The following RNF213 variants were observed in gnomAD, a reference collection of about 807,000 sequenced individuals.
The protein encoded by RNF213 is E3 ubiquitin-protein ligase RNF213.
In RNF213, 341 loss-of-function variants were observed where a neutral mutation model predicts 514.4. The observed-to-expected ratio is 0.66, with a 90% CI of 0.61 to 0.73. The LOEUF (loss-of-function observed/expected upper bound fraction) is 0.73. Among genes scored for constraint, RNF213 ranks in the 30% least tolerant of loss-of-function variants. The probability of loss-of-function intolerance (pLI) is 0.00; values close to 1 mark genes in which losing one functional copy is unlikely to be tolerated. For missense variants in RNF213, 5,767 were observed against 6,615.6 expected, an observed-to-expected ratio of 0.87 and a Z score of 4.45; for synonymous variants, 2,655 against 2,658.2, an observed-to-expected ratio of 1.00 and a Z score of 0.04.
At chr17:80,334,436 A>C in intron 22 of RNF213, 166 bp downstream of exon 22, 1 of 684,226 alleles carries the variant, frequency 1.5e-6, no homozygotes, top group Non-Finnish European at 2.4e-6. Context: ...CTGATCATAG[A>C]GTTCACACCG....
Position 80,383,518 on chromosome 17 carries a change from C to G in RNF213, c.14071-159C>G, listed in dbSNP as rs537770973. ...GACATACATCTATAAACAAACAACA[C>G]TGAAATTAGAAGATCAAAGGGAATA... On this transcript the variant is annotated intron_variant, in intron 58 of 67. Coordinates refer to ENST00000582970, the MANE Select transcript of RNF213 (RefSeq NM_001256071.3). Among the ~76,000 whole-genome samples the G allele has an allele frequency of 9.9e-5, 15 of 152,198 alleles. No individual in the cohort carries two copies. The East Asian group carries it at 2.9e-3, about 29-fold the overall frequency.
At chr17:80,336,464 C>A in intron 23 of RNF213, 86 bp downstream of exon 23, 3 of 1,177,484 alleles carry the variant, frequency 2.5e-6, no homozygotes, top group Non-Finnish European at 3.7e-6. Flanking sequence ...GAAATGGTGG[C>A]ACACCTGTGT....
intron 3 of RNF213, among the ~76,000 whole-genome samples, chr17:80,284,367 AAAAAAC>A (rs958062276): frequency 4.6e-5 from 7 of 150,562 alleles, no homozygotes; most frequent in East Asian, 2.0e-4. Flanking sequence ...TTCGTCTCAA[AAAAAAC>A]AAAAACAAAA....
Position 80,265,000 on chromosome 17 carries a change from G to A in RNF213, c.97+1222G>A, listed in dbSNP as rs2043559453. Reference sequence around the variant, plus strand: ...CTGCTCGCCATGGGGTCTCTCCGATGTTGTCCTTCAAGGGTGTGAGCCCCA... The same window carrying A: ...CTGCTCGCCATGGGGTCTCTCCGATATTGTCCTTCAAGGGTGTGAGCCCCA... On this transcript the variant is annotated intron_variant, in intron 2 of 67. Coordinates refer to ENST00000582970, the MANE Select transcript of RNF213 (RefSeq NM_001256071.3). This position sits in a 1 kb window ranked among gnomAD's most constrained non-coding sequence, Gnocchi z 5.0. Among the ~76,000 whole-genome samples, 2 of 148,222 alleles carry A rather than the reference G, an allele frequency of 1.3e-5. No homozygotes were observed. The highest frequency in any genetic ancestry group is 3.0e-5 in the Non-Finnish European group (2 of 67,562).
At chr17:80,280,652 G>A (rs2044225976) in intron 3 of RNF213, among the ~76,000 whole-genome samples, 1 of 151,836 alleles carries the variant, frequency 6.6e-6, no homozygotes, top group African/African-American at 2.4e-5. Flanking sequence ...ATGGGGTCTT[G>A]CTGTGTTACC....
rs758304308 is a variant in RNF213, at chr17:80,390,183, C to T, written c.15457C>T (p.Arg5153Cys). Residue 5153 changes from arginine (R) to cysteine (C), a missense_variant, in exon 67 of 68, where the codon CGC (arginine) becomes TGC (cysteine). By Grantham distance (180) the Arg-to-Cys change is radical (BLOSUM62 -3). Around this residue, in one of 13 missense-constraint regions of RNF213, gnomAD observed 1,245 missense variants for 1,339.0 expected, o/e 0.93. Transcript: ENST00000582970. Reference sequence around the variant, plus strand: ...CCAAACCCAAACCGAGGAGCGCTTCCGCCCTCAGTGGAGGTATGGATTTGC... The same window carrying T: ...CCAAACCCAAACCGAGGAGCGCTTCTGCCCTCAGTGGAGGTATGGATTTGC... Reference protein sequence around the residue: ...NPQTQTEERFRPQWSLRDTLV... With the variant: ...NPQTQTEERFCPQWSLRDTLV... The T allele has an allele frequency of 1.4e-5, 22 of 1,613,874 alleles. No homozygotes were observed. The highest frequency in any genetic ancestry group is 2.2e-5 in the South Asian group (2 of 91,082).
In RNF213 at chr17:80,306,321, C is replaced by G; in HGVS notation, c.2280C>G (p.Ser760=). The part of the protein sequence containing the change: ...LLSIDEPLFR[S]WFSLLPLSHL... ...GCATAGACGAGCCTCTCTTCCGGTC[C>G]TGGTTTAGTCTGCTACCTCTGAGTC... The change falls in exon 12 of 68, where the codon TCC becomes TCG. Residue 760 remains serine (S), a synonymous_variant. Coordinates refer to ENST00000582970, the MANE Select transcript of RNF213 (RefSeq NM_001256071.3). The G allele has an allele frequency of 6.2e-7, 1 of 1,614,136 alleles. No homozygotes were observed. The highest frequency in any genetic ancestry group is 8.5e-7 in the Non-Finnish European group (1 of 1,180,030).
intron 3 of RNF213, among the ~76,000 whole-genome samples, chr17:80,284,482 T>G (rs1004727500): frequency 6.6e-6 from 1 of 151,876 alleles, no homozygotes; most frequent in Non-Finnish European, 1.5e-5. Context: ...AAACAGAGGT[T>G]GCAGTGAGCT....
At chr17:80,348,557 A>T (rs918665406) in intron 29 of RNF213, among the ~76,000 whole-genome samples, 1 of 152,278 alleles carries the variant, frequency 6.6e-6, no homozygotes, top group African/African-American at 2.4e-5. Flanking sequence ...GGACTGGGCC[A>T]AGGGCACTAG....
intron 44 of RNF213, among the ~76,000 whole-genome samples, chr17:80,368,504 C>G (rs1379999512): frequency 1.3e-5 from 2 of 150,460 alleles, no homozygotes; most frequent in East Asian, 3.9e-4. Flanking sequence ...ACGATCTCAG[C>G]TCACTGCAAC....
Position 80,353,549 on chromosome 17 carries a change from G to C in RNF213, c.10461G>C (p.Glu3487Asp). The C allele has an allele frequency of 1.2e-6, 2 of 1,613,796 alleles. No homozygotes were observed. Among genetic ancestry groups the C allele is most frequent in the Non-Finnish European group, 1.7e-6 (2 of 1,179,874 alleles). Reference sequence around the variant, plus strand: ...ACCGGGCGGAAGACGGCCATGAGGAGGCGATGGAGACGGAGGCCAGCACAT... The same window carrying C: ...ACCGGGCGGAAGACGGCCATGAGGACGCGATGGAGACGGAGGCCAGCACAT... ...LEHRAEDGHE[E>D]AMETEASTSG... The change falls in exon 34 of 68, where the codon GAG becomes GAC. Residue 3487 changes from glutamate (E) to aspartate (D), a missense_variant. By Grantham distance (45) the Glu-to-Asp change is conservative. Around this residue, in one of 13 missense-constraint regions of RNF213, gnomAD observed 919 missense variants for 1,121.0 expected, o/e 0.82. Coordinates refer to ENST00000582970, the MANE Select transcript of RNF213 (RefSeq NM_001256071.3). The surrounding 1 kb of genome is among the most constrained non-coding windows in gnomAD (Gnocchi z 5.0).
intron 29 of RNF213, 37 bp from the exon 30 acceptor site, chr17:80,349,733 A>T: frequency 6.2e-7 from 1 of 1,612,770 alleles, no homozygotes; most frequent in Non-Finnish European, 8.5e-7. Flanking sequence ...CCTTTCCTTG[A>T]AGTCTGGCAA....
chr17:80,393,713 CTCA>C lies in RNF213; in HGVS notation c.*220_*222del, dbSNP rs1418869156. ...ATGTACATACATGTTCTGAAACTTT[CTCA>C]TCATTTTATGAGTACTGTTCATTGA... On this transcript the variant is annotated 3_prime_UTR_variant, in exon 68 of 68. Transcript: ENST00000582970. 1.1e-5 allele frequency: 6 copies of C among 546,138 alleles called. No homozygotes were observed. Among genetic ancestry groups the C allele is most frequent in the East Asian group, 3.2e-5 (1 of 31,624 alleles). The allele number at this position is 546,138 out of a possible 1,614,324, so 33.8% of individuals were successfully genotyped here.
intron 46 of RNF213, among the ~76,000 whole-genome samples, chr17:80,370,260 A>T (rs868597532): frequency 7.2e-5 from 11 of 152,306 alleles, no homozygotes; most frequent in Middle Eastern, 3.4e-3. Context: ...CTAAGTTTCT[A>T]TTCCCCTGAA....
intron 14 of RNF213, among the ~76,000 whole-genome samples, chr17:80,309,657 C>T (rs1265851500): frequency 1.3e-5 from 2 of 152,176 alleles, no homozygotes; most frequent in Non-Finnish European, 2.9e-5. Context: ...CCCCCCGCTG[C>T]ATGTCGTGTC....
At position 80,345,579 on chromosome 17, in the gene RNF213, C is replaced by T. The variant is rs376340562; in HGVS notation, c.7244C>T (p.Pro2415Leu). The change falls in exon 29 of 68, where the codon CCG becomes CTG. Residue 2415 changes from proline to leucine, a missense_variant. By Grantham distance (98) the Pro-to-Leu change is moderately conservative (BLOSUM62 -3). Coordinates refer to ENST00000582970, the MANE Select transcript of RNF213 (RefSeq NM_001256071.3). This position sits in a 1 kb window ranked among gnomAD's most constrained non-coding sequence, Gnocchi z 6.0. ...AIEMRFRCGI[P>L]VIIMGETGCG... ...GAGATGCGGTTCCGGTGTGGGATCCCGGTTATCATCATGGGAGAAACTGGC... is the reference window on the plus strand; with the variant it reads ...GAGATGCGGTTCCGGTGTGGGATCCTGGTTATCATCATGGGAGAAACTGGC... The T allele has an allele frequency of 1.4e-5, 23 of 1,613,532 alleles. No homozygotes were observed. Among genetic ancestry groups the T allele is most frequent in the African/African-American group, 4.0e-5 (3 of 74,892 alleles).
Position 80,353,603 on chromosome 17 carries a change from G to A in RNF213, c.10515G>A (p.Glu3505=). 6.2e-7 allele frequency: 1 copy of A among 1,614,162 alleles called. No individual in the cohort carries two copies. The highest frequency in any genetic ancestry group is 8.5e-7 in the Non-Finnish European group (1 of 1,180,022). ...GGGAGGTGGCAGAGGTGGCAGAGGA[G>A]GCCATGGAAACAGAAAGTTCTGAGA... The part of the protein sequence containing the change: ...TSGEVAEVAE[E]AMETESSEKV... Residue 3505 remains glutamate (E), a synonymous_variant, in exon 34 of 68, where the codon GAG becomes GAA. Coordinates refer to ENST00000582970, the MANE Select transcript of RNF213 (RefSeq NM_001256071.3). This position sits in a 1 kb window ranked among gnomAD's most constrained non-coding sequence, Gnocchi z 5.0.
intron 3 of RNF213, among the ~76,000 whole-genome samples, chr17:80,284,206 A>C (rs2044393723): frequency 6.6e-6 from 1 of 152,028 alleles, no homozygotes; most frequent in East Asian, 1.9e-4. Context: ...AAATACAAAA[A>C]AAAAAAAATT....
At chr17:80,309,559 A>C (rs927259318) in intron 14 of RNF213, among the ~76,000 whole-genome samples, 1 of 152,144 alleles carries the variant, frequency 6.6e-6, no homozygotes, top group African/African-American at 2.4e-5. Context: ...TTTTCCTCCC[A>C]AAAAATACAT....
Sources: allele counts gnomAD v4.1 joint callset (sites outside exome capture counted in the v4.1 genomes callset), GRCh38; gene constraint gnomAD v4.1.1; regional missense constraint gnomAD v4.1.1; non-coding constraint Gnocchi (gnomAD v3.1); transcripts MANE v1.5; gene names NCBI Gene and HGNC (gene_info 2026-07-23, HGNC 2026-07-21).